Variants in TF observed in about 807,000 individuals in gnomAD.
The protein encoded by TF is transferrin.
Under a neutral mutation model 82.4 loss-of-function variants are expected in TF, and 55 were observed. The ratio of observed to expected loss-of-function variants is 0.67; its 90% CI spans 0.54 to 0.84. TF has a LOEUF of 0.84. Ranked by LOEUF, TF falls within the 40% of genes least tolerant of loss-of-function variation. TF has a pLI of 0.00. For missense variants in TF, 737 were observed against 868.4 expected (o/e 0.85, Z 1.90); for synonymous variants, 332 against 332.6 (o/e 1.00, Z 0.02).
rs1256086758 is a variant in TF, at chr3:133,779,510, C to G, written c.*890C>G. On this transcript the variant is annotated 3_prime_UTR_variant, in exon 17 of 17. Transcript: ENST00000402696. The stretch of plus-strand genomic sequence containing the variant: ...CTTGGAACTCTTTTCCTCAGTTTCT[C>G]TGACATGGCAGGTCTCTGCTTTGAT... The G allele has an allele frequency of 6.6e-6, 1 of 152,310 alleles. No homozygotes were observed. Among genetic ancestry groups the G allele is most frequent in the East Asian group, 1.9e-4 (1 of 5,198 alleles). The allele number at this position is 152,310 out of a possible 1,614,324, so 9.4% of individuals were successfully genotyped here. A position where few individuals can be genotyped will look rare whatever the true frequency, so the allele number is the denominator to read the frequency against.
At chr3:133,698,120 G>T in the TF span, among the ~76,000 whole-genome samples, 1 of 152,192 alleles carries the variant, frequency 6.6e-6, no homozygotes, top group African/African-American at 2.4e-5. Context: ...AATTCTTTTT[G>T]CTTAATAAAA....
the TF span, among the ~76,000 whole-genome samples, chr3:133,701,662 G>A: frequency 6.6e-6 from 1 of 152,196 alleles, no homozygotes; most frequent in African/African-American, 2.4e-5. Flanking sequence ...AGAAGACCCT[G>A]AGCTGGGCTG....
chr3:133,735,948 A>G, the TF span, among the ~76,000 whole-genome samples: 1 of 152,224 alleles, frequency 6.6e-6, no homozygotes, highest in Admixed American at 6.5e-5. Flanking sequence ...TTCAGGAAAT[A>G]CAGAGAACAT....
intron 15 of TF, among the ~76,000 whole-genome samples, chr3:133,776,426 C>T (rs1463428581): frequency 6.6e-6 from 1 of 152,098 alleles, no homozygotes; most frequent in Non-Finnish European, 1.5e-5. Flanking sequence ...TGTTGATTCA[C>T]CATTACCTTT....
In TF at chr3:133,755,888, C is replaced by T. The variant is rs559389740; in HGVS notation, c.635+393C>T. The T allele has an allele frequency of 6.5e-4, 279 of 429,268 alleles. 1 individual carries two copies. Among genetic ancestry groups the T allele is most frequent in the South Asian group, 5.7e-3 (224 of 39,350 alleles). The allele number at this position is 429,268 out of a possible 1,614,324, so 26.6% of individuals were successfully genotyped here. A position where few individuals can be genotyped will look rare whatever the true frequency, so the allele number is the denominator to read the frequency against. On this transcript the variant is annotated intron_variant, in intron 5 of 16. Coordinates refer to ENST00000402696, the MANE Select transcript of TF (RefSeq NM_001063.4). ...CTCAGCACACTGCCTGTCTCCTGCCCCCATCACCGTCTCTATCTGGGAAGC... is the reference window on the plus strand; with the variant it reads ...CTCAGCACACTGCCTGTCTCCTGCCTCCATCACCGTCTCTATCTGGGAAGC...
chr3:133,769,642 G>T (rs1350723084), intron 13 of TF, among the ~76,000 whole-genome samples: 1 of 152,124 alleles, frequency 6.6e-6, no homozygotes, highest in African/African-American at 2.4e-5. Flanking sequence ...CTCTTGAACC[G>T]ATGCAGTAAT....
At chr3:133,664,442 C>G in the TF span, among the ~76,000 whole-genome samples, 1 of 152,154 alleles carries the variant, frequency 6.6e-6, no homozygotes, top group Non-Finnish European at 1.5e-5. Flanking sequence ...CCTGCCTCAG[C>G]CTCCCAAGTA....
chr3:133,668,283 C>T, the TF span, among the ~76,000 whole-genome samples: 2 of 152,122 alleles, frequency 1.3e-5, no homozygotes, highest in African/African-American at 4.8e-5. Context: ...AGTCATACAG[C>T]CCCAAGGAGC....
chr3:133,775,738 T>C (rs1934373198), intron 15 of TF, 121 bp downstream of exon 15: 18 of 984,736 alleles, frequency 1.8e-5, no homozygotes, highest in Middle Eastern at 3.0e-4. Flanking sequence ...TAGAATTCCA[T>C]GCATTGTGCA....
rs903349294 is a variant in TF at position 133,788,440 on chromosome 3, C to T, written c.*9820C>T. On this transcript the variant is annotated 3_prime_UTR_variant, in exon 17 of 17. Coordinates refer to ENST00000402696, the MANE Select transcript of TF (RefSeq NM_001063.4). The stretch of plus-strand genomic sequence containing the variant: ...ACAGGCCTTCTCCCACCCTGTGGAG[C>T]GTACTTTCATTTCATAAATCTCTGC... The T allele has an allele frequency of 4.6e-5, 7 of 152,204 alleles. No homozygotes were observed. The highest frequency in any genetic ancestry group is 2.6e-4 in the Admixed American group (4 of 15,280). 9.4% of individuals were successfully genotyped at this position (152,204 alleles called of 1,614,324 possible). A position where few individuals can be genotyped will look rare whatever the true frequency, so the allele number is the denominator to read the frequency against.
chr3:133,670,101 A>T, the TF span, among the ~76,000 whole-genome samples: 1 of 152,234 alleles, frequency 6.6e-6, no homozygotes, highest in East Asian at 1.9e-4. Flanking sequence ...CAGAGGCCAC[A>T]TGAGAAACAG....
chr3:133,709,796 A>T, the TF span: 1 of 152,460 alleles, frequency 6.6e-6, no homozygotes, highest in East Asian at 1.9e-4. Context: ...GCTTGACAGA[A>T]ATTGTGGGCG....
the TF span, among the ~76,000 whole-genome samples, chr3:133,725,614 T>A: frequency 2.0e-5 from 3 of 152,026 alleles, no homozygotes; most frequent in African/African-American, 7.3e-5. Flanking sequence ...AGGGACAATT[T>A]GACTTCCTCT....
chr3:133,728,457 G>T, the TF span, among the ~76,000 whole-genome samples: 1 of 151,944 alleles, frequency 6.6e-6, no homozygotes, highest in Non-Finnish European at 1.5e-5. Flanking sequence ...AGCTCCTGAG[G>T]CTTCTGCATT....
chr3:133,732,769 C>T, the TF span, among the ~76,000 whole-genome samples: 89,122 of 151,912 alleles, frequency 0.59, 26,677 homozygotes, highest in East Asian at 0.76. Flanking sequence ...GCTGCAAGGG[C>T]CTGCAGCTTT....
chr3:133,765,023 G>T, intron 11 of TF, 116 bp downstream of exon 11: 2 of 998,146 alleles, frequency 2.0e-6, no homozygotes, highest in Non-Finnish European at 3.2e-6. Flanking sequence ...TTTTCACAAT[G>T]CGAGAGAATC....
the TF span, among the ~76,000 whole-genome samples, chr3:133,674,397 G>A: frequency 1.3e-5 from 2 of 152,198 alleles, no homozygotes. Context: ...GGAAGGGGGC[G>A]GGAGAGAGGC....
intron 2 of TF, among the ~76,000 whole-genome samples, chr3:133,753,186 G>A (rs1371435337): frequency 6.6e-6 from 1 of 152,202 alleles, no homozygotes; most frequent in Non-Finnish European, 1.5e-5. Context: ...CAGCCCAAGA[G>A]AGCTGTGTCC....
intron 14 of TF, chr3:133,774,496 AC>A (rs1429982181): frequency 2.6e-5 from 4 of 152,362 alleles, no homozygotes; most frequent in African/African-American, 9.6e-5. Flanking sequence ...ACAGAGTTTT[AC>A]ATTTGTCAAG....
Sources: gnomAD v4.1 joint callset for allele counts (sites outside exome capture counted in the v4.1 genomes callset) on GRCh38, gnomAD v4.1.1 for gene constraint, MANE v1.5 for transcripts, NCBI Gene and HGNC (gene_info 2026-07-23, HGNC 2026-07-21) for gene names.